Variants in CDKN2B-AS1 observed in about 807,000 individuals in gnomAD.
CDKN2B-AS1 encodes CDKN2B antisense RNA 1 (non-protein coding).
rs142533144 is a variant in CDKN2B-AS1, at chr9:22,055,558, T to C, written n.303-694T>C. Among the ~76,000 whole-genome samples the C allele has an allele frequency of 5.9e-3, 899 of 152,298 alleles. 12 individuals carry two copies. The highest frequency in any genetic ancestry group is 0.02 in the African/African-American group (848 of 41,560). On this transcript the variant is annotated intron_variant and non_coding_transcript_variant, in intron 3 of 4. Transcript: ENST00000650946. ...TTCTGTAGGTAGGTTGGTTGTTTTT[T>C]GTTTTTTTGCCACAGTCTTTTTAAA...
chr9:22,066,465 G>A (rs1200720602), intron 4 of CDKN2B-AS1: 2 of 151,856 alleles, frequency 1.3e-5, no homozygotes, highest in African/African-American at 4.8e-5. Flanking sequence ...AAAGTGCTGG[G>A]ATTACAGACA....
intron 1 of CDKN2B-AS1, among the ~76,000 whole-genome samples, chr9:22,033,869 G>C (rs963518279): frequency 6.6e-5 from 10 of 152,286 alleles, no homozygotes; most frequent in South Asian, 2.1e-4. Context: ...TCTCATTCCA[G>C]TTTCTTTATA....
chr9:22,106,774 GTAA>G (rs1825671311), intron 4 of CDKN2B-AS1, among the ~76,000 whole-genome samples: 1 of 152,078 alleles, frequency 6.6e-6, no homozygotes, highest in Non-Finnish European at 1.5e-5. Context: ...AATAATAATA[GTAA>G]TAATAACCAA....
intron 3 of CDKN2B-AS1, among the ~76,000 whole-genome samples, chr9:22,053,298 G>C (rs1033257867): frequency 6.6e-6 from 1 of 152,168 alleles, no homozygotes; most frequent in Non-Finnish European, 1.5e-5. Context: ...TTTAGCAAAC[G>C]TTTGAGAATC....
At position 22,006,200 on chromosome 9, in the gene CDKN2B-AS1, G is replaced by A. The variant is rs748993568; in HGVS notation, n.29+11039G>A. ...GGTCTGCGCAGTTGGGCTCCGCGCC[G>A]TGGAGCAGCAGCAGCTCCGCCACGC... is the stretch of plus-strand genomic sequence containing the variant. On this transcript the variant is annotated intron_variant and non_coding_transcript_variant, in intron 1 of 4. Coordinates refer to ENST00000650946, the Ensembl canonical transcript of CDKN2B-AS1. This position sits in a 1 kb window ranked among gnomAD's most constrained non-coding sequence, Gnocchi z 6.4. The A allele has an allele frequency of 4.4e-6, 7 of 1,608,596 alleles. No homozygotes were observed. Among genetic ancestry groups the A allele is most frequent in the Non-Finnish European group, 5.1e-6 (6 of 1,179,834 alleles).
chr9:22,022,492 G>C (rs1410488756), intron 1 of CDKN2B-AS1, among the ~76,000 whole-genome samples: 2 of 151,792 alleles, frequency 1.3e-5, no homozygotes, highest in African/African-American at 4.8e-5. Context: ...TTTCTGATTT[G>C]CATTTCCTTG....
At chr9:22,097,027 G>A (rs1210230015) in intron 4 of CDKN2B-AS1, among the ~76,000 whole-genome samples, 1 of 152,138 alleles carries the variant, frequency 6.6e-6, no homozygotes, top group Non-Finnish European at 1.5e-5. Context: ...ACTTCTCTGG[G>A]CTTATGTGGT....
At chr9:22,061,191 A>G (rs980119168) in intron 4 of CDKN2B-AS1, among the ~76,000 whole-genome samples, 2 of 152,198 alleles carry the variant, frequency 1.3e-5, no homozygotes, top group African/African-American at 4.8e-5. Flanking sequence ...AACAGCAACC[A>G]TGACCATCAC....
chr9:22,081,908 G>GT (rs920626942), intron 4 of CDKN2B-AS1, among the ~76,000 whole-genome samples: 10 of 152,140 alleles, frequency 6.6e-5, no homozygotes, highest in African/African-American at 1.4e-4. Context: ...TTTCCCAGGA[G>GT]TTTTTTTTAC....
At chr9:22,061,886 T>C (rs1035780352) in intron 4 of CDKN2B-AS1, 2 of 152,276 alleles carry the variant, frequency 1.3e-5, no homozygotes, top group East Asian at 1.9e-4. Context: ...ATGTAAAATA[T>C]GTAGGCTTGT....
chr9:22,005,608 A>G lies in CDKN2B-AS1; in HGVS notation n.29+10447A>G, dbSNP rs994612734. On this transcript the variant is annotated intron_variant and non_coding_transcript_variant, in intron 1 of 4. Transcript: ENST00000650946. The surrounding 1 kb of genome is among the most constrained non-coding windows in gnomAD (Gnocchi z 4.9). ...CAAGTGCTAATCACTGCCTTCTCCC[A>G]CTCAGCGCTGGAGTGGGAGATTCAT... 4.6e-6 allele frequency: 2 copies of G among 438,396 alleles called. No individual in the cohort carries two copies. The highest frequency in any genetic ancestry group is 3.6e-5 in the Admixed American group (1 of 27,452). 27.2% of individuals were successfully genotyped at this position (438,396 alleles called of 1,614,324 possible).
intron 1 of CDKN2B-AS1, chr9:22,009,188 C>T (rs1014423429): frequency 3.2e-6 from 2 of 634,566 alleles, no homozygotes; most frequent in Non-Finnish European, 5.5e-6. Context: ...GCGGGCGCGC[C>T]TGGATTGCTT....
intron 3 of CDKN2B-AS1, among the ~76,000 whole-genome samples, chr9:22,050,884 AG>A (rs1483740067): frequency 3.3e-5 from 5 of 152,200 alleles, no homozygotes; most frequent in African/African-American, 9.6e-5. Flanking sequence ...AAAGTGCTCA[AG>A]GAAGAGTCTG....
intron 4 of CDKN2B-AS1, among the ~76,000 whole-genome samples, chr9:22,098,416 A>G (rs1481879569): frequency 6.7e-6 from 1 of 149,638 alleles, no homozygotes; most frequent in Non-Finnish European, 1.5e-5. Context: ...GCCATGGGCA[A>G]GAATTTTTTT....
In CDKN2B-AS1 at chr9:22,001,389, G is replaced by GT. The variant is rs1563909640; in HGVS notation, n.29+6229dup. 6.6e-6 allele frequency among the ~76,000 whole-genome samples: 1 copy of GT among 152,142 alleles called. No homozygotes were observed. Among genetic ancestry groups the GT allele is most frequent in the Non-Finnish European group, 1.5e-5 (1 of 67,988 alleles). On this transcript the variant is annotated intron_variant and non_coding_transcript_variant, in intron 1 of 4. Coordinates refer to ENST00000650946, the Ensembl canonical transcript of CDKN2B-AS1. The surrounding 1 kb of genome is among the most constrained non-coding windows in gnomAD (Gnocchi z 4.2). ...TTGGGGTCCTTTGTAAACTTCTAGT[G>GT]TAATGTGAATAGCTGTGAGGTAGTC... is the stretch of plus-strand genomic sequence containing the variant.
At chr9:22,012,137 C>G in intron 1 of CDKN2B-AS1, 1 of 1,127,916 alleles carries the variant, frequency 8.9e-7, no homozygotes, top group Non-Finnish European at 1.3e-6. Flanking sequence ...GCGAGGCAGC[C>G]GAGCTGCAGA....
intron 4 of CDKN2B-AS1, among the ~76,000 whole-genome samples, chr9:22,121,601 C>G (rs1185302273): frequency 2.6e-5 from 4 of 151,966 alleles, no homozygotes; most frequent in South Asian, 2.1e-4. Context: ...CTACTTTTTA[C>G]TTCTATGAAA....
At chr9:22,089,762 C>CT (rs568082402) in intron 4 of CDKN2B-AS1, among the ~76,000 whole-genome samples, 5 of 148,986 alleles carry the variant, frequency 3.4e-5, no homozygotes, top group African/African-American at 4.9e-5. Flanking sequence ...AGACGTCTTA[C>CT]TTTTTTTTTT....
chr9:22,089,050 G>C, intron 4 of CDKN2B-AS1, among the ~76,000 whole-genome samples: 1 of 150,882 alleles, frequency 6.6e-6, no homozygotes, highest in Non-Finnish European at 1.5e-5. Flanking sequence ...AAAATATCAC[G>C]ATTCTAATTT....
Sources: allele counts gnomAD v4.1 joint callset (sites outside exome capture counted in the v4.1 genomes callset), GRCh38; gene constraint gnomAD v4.1.1; non-coding constraint Gnocchi (gnomAD v3.1); transcripts MANE v1.5; gene names NCBI Gene and HGNC (gene_info 2026-07-23, HGNC 2026-07-21).